The following DLC1 variants were observed in gnomAD, a reference collection of about 807,000 sequenced individuals.
DLC1 encodes the protein rho GTPase-activating protein 7.
DLC1 carries 54 observed loss-of-function variants against 140.3 expected under a neutral mutation model. The ratio of observed to expected loss-of-function variants is 0.38; its 90% CI spans 0.31 to 0.48. The LOEUF is 0.48. DLC1 is among the 20% of genes least tolerant of loss of function. The pLI is 0.96. For missense variants in DLC1, 2,536 were observed against 1,907.0 expected, an observed-to-expected ratio of 1.33 and a Z score of -6.14; for synonymous variants, 986 against 728.1, an observed-to-expected ratio of 1.35 and a Z score of -5.70.
chr8:13,419,712 A>G (rs1838226946), intron 2 of DLC1, among the ~76,000 whole-genome samples: 1 of 152,098 alleles, frequency 6.6e-6, no homozygotes, highest in East Asian at 1.9e-4. Context: ...TGGTATTAGG[A>G]TGATGCTGGC....
chr8:13,153,533 GCT>G (rs1824005312), intron 5 of DLC1, among the ~76,000 whole-genome samples: 1 of 152,202 alleles, frequency 6.6e-6, no homozygotes, highest in Non-Finnish European at 1.5e-5. Context: ...CCAGCAGCCT[GCT>G]CTTATTCCCT....
At chr8:13,533,813 T>C (rs1331608481) in intron 1 of DLC1, among the ~76,000 whole-genome samples, 1 of 152,176 alleles carries the variant, frequency 6.6e-6, no homozygotes, top group African/African-American at 2.4e-5. Flanking sequence ...GTGAGCAAGT[T>C]CTCACAAGAT....
intron 5 of DLC1, among the ~76,000 whole-genome samples, chr8:13,301,774 G>T (rs1292142617): frequency 1.3e-5 from 2 of 152,172 alleles, no homozygotes; most frequent in African/African-American, 4.8e-5. Context: ...TCTGGCTCTT[G>T]TGAGATCAGC....
chr8:13,149,822 T>G (rs369268617), intron 5 of DLC1, among the ~76,000 whole-genome samples: 11 of 152,300 alleles, frequency 7.2e-5, no homozygotes, highest in African/African-American at 2.6e-4. Context: ...AGACCAAAGC[T>G]CCATGAACAG....
intron 1 of DLC1, among the ~76,000 whole-genome samples, chr8:13,552,979 G>C (rs1417796979): frequency 5.3e-5 from 8 of 151,220 alleles, no homozygotes; most frequent in Admixed American, 5.3e-4. Flanking sequence ...AAGAAATTTA[G>C]CTTTCATTGG....
At chr8:13,534,727 C>G (rs1803213192) in intron 1 of DLC1, among the ~76,000 whole-genome samples, 1 of 152,184 alleles carries the variant, frequency 6.6e-6, no homozygotes, top group Non-Finnish European at 1.5e-5. Flanking sequence ...TCTGAAGCCA[C>G]TACCTTCTGA....
Position 13,370,881 on chromosome 8 carries a change from C to T in DLC1, c.1314+22672G>A, listed in dbSNP as rs558016552. 4.5e-3 allele frequency among the ~76,000 whole-genome samples: 686 copies of T among 152,256 alleles called. 3 individuals are homozygous for T. Among genetic ancestry groups the T allele is most frequent in the South Asian group, 0.011 (54 of 4,830 alleles). ...CTTAGGACGAGTGGATCCCTGCCTTCCCTACTCCCCACCACAACACAGCCA... is the reference window on the plus strand; with the variant it reads ...CTTAGGACGAGTGGATCCCTGCCTTTCCTACTCCCCACCACAACACAGCCA... On this transcript the variant is annotated intron_variant, in intron 4 of 17. Transcript: ENST00000276297.
intron 1 of DLC1, among the ~76,000 whole-genome samples, chr8:13,546,737 C>A (rs1314866858): frequency 6.6e-6 from 1 of 152,128 alleles, no homozygotes; most frequent in South Asian, 2.1e-4. Context: ...AGCTCAATGT[C>A]TTAGTAAATG....
At chr8:13,397,563 T>C (rs111320265) in intron 3 of DLC1, among the ~76,000 whole-genome samples, 128 of 152,086 alleles carry the variant, frequency 8.4e-4, no homozygotes, top group African/African-American at 2.9e-3. Context: ...GTATGATGAC[T>C]CATGCCTGTC....
intron 5 of DLC1, among the ~76,000 whole-genome samples, chr8:13,188,142 G>A (rs899266317): frequency 1.2e-4 from 17 of 140,336 alleles, no homozygotes; most frequent in Non-Finnish European, 2.4e-4. Flanking sequence ...GGAGTGCAAT[G>A]GTGCAATCTC....
At chr8:13,323,804 G>A (rs1180888005) in intron 4 of DLC1, among the ~76,000 whole-genome samples, 1 of 152,138 alleles carries the variant, frequency 6.6e-6, no homozygotes, top group Non-Finnish European at 1.5e-5. Context: ...AGACATAAAG[G>A]AGGCATTTTG....
At position 13,300,019 on chromosome 8, in the gene DLC1, C is replaced by T. The variant is rs183416845; in HGVS notation, c.1348+5250G>A. Among the ~76,000 whole-genome samples the T allele has an allele frequency of 2.6e-4, 39 of 152,240 alleles. 1 individual carries two copies. The highest frequency in any genetic ancestry group is 2.4e-3 in the Admixed American group (36 of 15,284). On this transcript the variant is annotated intron_variant, in intron 5 of 17. Coordinates refer to ENST00000276297, the MANE Select transcript of DLC1 (RefSeq NM_182643.3). The stretch of plus-strand genomic sequence containing the variant: ...GCAGCACTATTCACAATAGCAAAGA[C>T]ATGGAATCAACCCAAATGCCCATCA...
upstream of DLC1, among the ~76,000 whole-genome samples, chr8:13,518,407 C>T (rs1260509859): frequency 1.3e-5 from 2 of 152,116 alleles, no homozygotes; most frequent in African/African-American, 4.8e-5. Context: ...CTGTGCCTGG[C>T]CTAAAGATCT....
intron 5 of DLC1, among the ~76,000 whole-genome samples, chr8:13,238,925 G>C (rs1829415476): frequency 2.0e-5 from 3 of 152,202 alleles, no homozygotes; most frequent in African/African-American, 7.2e-5. Flanking sequence ...CTGCCAGATG[G>C]TGTGGGGGGT....
intron 2 of DLC1, among the ~76,000 whole-genome samples, chr8:13,442,428 T>G (rs1271995182): frequency 2.0e-5 from 3 of 152,080 alleles, no homozygotes; most frequent in Non-Finnish European, 4.4e-5. Flanking sequence ...ACCTACAGAA[T>G]GGGAGAAAAT....
At chr8:13,229,599 T>C (rs1220275486) in intron 5 of DLC1, among the ~76,000 whole-genome samples, 2 of 150,708 alleles carry the variant, frequency 1.3e-5, no homozygotes, top group African/African-American at 2.4e-5. Flanking sequence ...TATAATTCAG[T>C]AAAGCTGGAG....
chr8:13,196,942 C>G (rs1022214893), intron 5 of DLC1, among the ~76,000 whole-genome samples: 2 of 152,122 alleles, frequency 1.3e-5, no homozygotes, highest in African/African-American at 4.8e-5. Context: ...TTTATTTTTT[C>G]TTGACTTGGG....
At chr8:13,544,977 AC>A (rs960629186) in intron 1 of DLC1, among the ~76,000 whole-genome samples, 16 of 151,440 alleles carry the variant, frequency 1.1e-4, no homozygotes, top group Admixed American at 3.3e-4. Flanking sequence ...GTTTAATAGC[AC>A]CCCCCCTGGA....
At position 13,163,546 on chromosome 8, in the gene DLC1, G is replaced by T. The variant is rs552260818; in HGVS notation, c.1349-47889C>A. ...CCAGTCACAGGCACTTTTGTGTGTGGGGTGGGATGGGAAGAGAACGAGTAG... is the reference window on the plus strand; with the variant it reads ...CCAGTCACAGGCACTTTTGTGTGTGTGGTGGGATGGGAAGAGAACGAGTAG... On this transcript the variant is annotated intron_variant, in intron 5 of 17. Transcript: ENST00000276297. Among the ~76,000 whole-genome samples, 4 of 152,260 alleles carry T rather than the reference G, an allele frequency of 2.6e-5. No homozygotes were observed. The East Asian group carries it at 7.7e-4, about 29-fold the overall frequency.
Sources: gnomAD v4.1 joint callset for allele counts (sites outside exome capture counted in the v4.1 genomes callset) on GRCh38, gnomAD v4.1.1 for gene constraint, MANE v1.5 for transcripts, NCBI Gene and HGNC (gene_info 2026-07-23, HGNC 2026-07-21) for gene names.